RBFOX3: variants seen among roughly 807,000 people sequenced by gnomAD.
RBFOX3 encodes the protein RNA binding protein fox-1 homolog 3.
Under a neutral mutation model 48.7 loss-of-function variants are expected in RBFOX3, and 17 were observed. The ratio of observed to expected loss-of-function variants is 0.35; its 90% confidence interval spans 0.24 to 0.52. The LOEUF (loss-of-function observed/expected upper bound fraction) is 0.52. Among genes scored for constraint, RBFOX3 ranks in the 20% least tolerant of loss-of-function variants. The pLI is 0.94. For synonymous variants in RBFOX3, 212 were observed against 209.5 expected, an observed-to-expected ratio of 1.01 and a Z score of -0.10; for missense variants, 382 against 497.5, an observed-to-expected ratio of 0.77 and a Z score of 2.21.
At position 79,199,068 on chromosome 17, in the gene RBFOX3, G is replaced by C. The variant is rs1473671224; in HGVS notation, c.-34+36698C>G. 1.3e-5 allele frequency among the ~76,000 whole-genome samples: 2 copies of C among 152,170 alleles called. No homozygotes were observed. Among genetic ancestry groups the C allele is most frequent in the Non-Finnish European group, 2.9e-5 (2 of 68,036 alleles). On this transcript the variant is annotated intron_variant, in intron 4 of 14. Coordinates refer to ENST00000693108, the MANE Select transcript of RBFOX3 (RefSeq NM_001350451.2). This position sits in a 1 kb window ranked among gnomAD's most constrained non-coding sequence, Gnocchi z 5.1. ...TGTTGACTGAGAACTGGTTTTTAGG[G>C]AGAGAGGGAGGAGACCCAGAAAACA...
chr17:79,336,389 A>AAAATAAATAAATAAATAAAT (rs71161661), intron 2 of RBFOX3, among the ~76,000 whole-genome samples: 31 of 146,908 alleles, frequency 2.1e-4, no homozygotes, highest in African/African-American at 7.6e-4. Flanking sequence ...TTCATCTCAA[A>AAAATAAATAAATAAATAAAT]AAATAAATAA....
chr17:79,457,127 G>A (rs1043070113), intron 2 of RBFOX3, among the ~76,000 whole-genome samples: 7 of 152,238 alleles, frequency 4.6e-5, no homozygotes, highest in Non-Finnish European at 1.0e-4. Context: ...ATGGGCTCCT[G>A]GGGGCATGGC....
intron 4 of RBFOX3, among the ~76,000 whole-genome samples, chr17:79,178,676 C>T (rs1034286016): frequency 6.6e-6 from 1 of 152,218 alleles, no homozygotes; most frequent in Non-Finnish European, 1.5e-5. Context: ...AACCGAGCTA[C>T]TTCAGTAACC....
At position 79,473,718 on chromosome 17, in the gene RBFOX3, C is replaced by G. The variant is rs1272247916; in HGVS notation, c.-175+8736G>C. On this transcript the variant is annotated intron_variant, in intron 2 of 14. Transcript: ENST00000693108. The surrounding 1 kb of genome is among the most constrained non-coding windows in gnomAD (Gnocchi z 4.2). ...CATTACTCAGCAATGCTCAGCAATG[C>G]AAGGTCACTCAGAAACACCATCTGT... 6.6e-6 allele frequency among the ~76,000 whole-genome samples: 1 copy of G among 152,194 alleles called. No individual in the cohort carries two copies. The highest frequency in any genetic ancestry group is 1.5e-5 in the Non-Finnish European group (1 of 68,028).
intron 2 of RBFOX3, among the ~76,000 whole-genome samples, chr17:79,416,757 T>G (rs2065437283): frequency 6.6e-6 from 1 of 152,234 alleles, no homozygotes; most frequent in Non-Finnish European, 1.5e-5. Context: ...CCCTTGGTAC[T>G]GACAAGCGCA....
chr17:79,532,725 C>T (rs1027826563), intron 1 of RBFOX3, among the ~76,000 whole-genome samples: 1 of 152,230 alleles, frequency 6.6e-6, no homozygotes, highest in Non-Finnish European at 1.5e-5. Flanking sequence ...GGCCTTGCTG[C>T]CCTCACATCG....
At chr17:79,497,337 G>A (rs965084783) in intron 1 of RBFOX3, among the ~76,000 whole-genome samples, 6 of 152,142 alleles carry the variant, frequency 3.9e-5, no homozygotes, top group Admixed American at 2.6e-4. Flanking sequence ...CTCCTGGACC[G>A]AAAACAGATT....
At chr17:79,571,265 C>G (rs944045589) in intron 1 of RBFOX3, among the ~76,000 whole-genome samples, 13 of 152,126 alleles carry the variant, frequency 8.5e-5, no homozygotes, top group African/African-American at 2.7e-4. Context: ...ATCCCCAAAT[C>G]AAGAAAATGG....
chr17:79,516,445 A>G (rs1329970215), intron 1 of RBFOX3, among the ~76,000 whole-genome samples: 1 of 152,240 alleles, frequency 6.6e-6, no homozygotes, highest in Non-Finnish European at 1.5e-5. Context: ...CACCCCATGT[A>G]GGATTAAATG....
intron 1 of RBFOX3, among the ~76,000 whole-genome samples, chr17:79,597,604 G>A (rs2093600546): frequency 6.6e-6 from 1 of 152,206 alleles, no homozygotes; most frequent in Non-Finnish European, 1.5e-5. Context: ...AGAAGGGCCA[G>A]GGAAGGCCCT....
intron 4 of RBFOX3, among the ~76,000 whole-genome samples, chr17:79,143,383 G>C (rs1198326080): frequency 6.8e-6 from 1 of 148,136 alleles, no homozygotes; most frequent in Admixed American, 6.7e-5. Context: ...CGGGGGGTGG[G>C]GGGGGGTTCT....
chr17:79,301,973 G>A (rs1025134791), intron 3 of RBFOX3, among the ~76,000 whole-genome samples: 2 of 152,170 alleles, frequency 1.3e-5, no homozygotes, highest in African/African-American at 4.8e-5. Flanking sequence ...TTCTAAATTG[G>A]TGGGGTATTA....
At chr17:79,218,577 T>C (rs2147336212) in intron 4 of RBFOX3, among the ~76,000 whole-genome samples, 1 of 151,986 alleles carries the variant, frequency 6.6e-6, no homozygotes, top group East Asian at 2.0e-4. Flanking sequence ...AGCCCGGCAA[T>C]CAGACCCTAA....
intron 1 of RBFOX3, among the ~76,000 whole-genome samples, chr17:79,508,179 C>T (rs1219477827): frequency 2.6e-5 from 4 of 152,336 alleles, no homozygotes; most frequent in East Asian, 3.9e-4. Flanking sequence ...CCCCTGCGCT[C>T]GCTGGCCTTC....
chr17:79,190,927 A>T (rs1260150770), intron 4 of RBFOX3, among the ~76,000 whole-genome samples: 7 of 152,230 alleles, frequency 4.6e-5, no homozygotes. Context: ...GACTGTACAC[A>T]CAATGTGGGT....
At chr17:79,534,484 G>A (rs1197182690) in intron 1 of RBFOX3, among the ~76,000 whole-genome samples, 6 of 152,306 alleles carry the variant, frequency 3.9e-5, no homozygotes, top group African/African-American at 7.2e-5. Flanking sequence ...AGGGTATGTC[G>A]TCACATATGA....
chr17:79,221,254 G>A (rs1238691124), intron 4 of RBFOX3, among the ~76,000 whole-genome samples: 3 of 152,248 alleles, frequency 2.0e-5, no homozygotes, highest in South Asian at 4.1e-4. Context: ...CTCCACCATC[G>A]GCCTGAAGGC....
At chr17:79,650,665 C>A in the RBFOX3 span, among the ~76,000 whole-genome samples, 5 of 152,086 alleles carry the variant, frequency 3.3e-5, no homozygotes, top group Admixed American at 3.3e-4. Flanking sequence ...AGGACCCACC[C>A]CAGGCAGATC....
the RBFOX3 span, among the ~76,000 whole-genome samples, chr17:79,642,357 T>C: frequency 6.6e-6 from 1 of 152,174 alleles, no homozygotes; most frequent in Non-Finnish European, 1.5e-5. Flanking sequence ...TTAAGTATCT[T>C]CACCACAACA....
Sources: gnomAD v4.1 joint callset for allele counts (sites outside exome capture counted in the v4.1 genomes callset) on GRCh38, gnomAD v4.1.1 for gene constraint, Gnocchi (gnomAD v3.1) non-coding constraint, MANE v1.5 for transcripts, NCBI Gene and HGNC (gene_info 2026-07-23, HGNC 2026-07-21) for gene names.